Variants in PXDN observed in about 807,000 individuals in gnomAD.
The protein encoded by PXDN is peroxidasin.
In PXDN, 77 loss-of-function variants were observed where a neutral mutation model predicts 140.3. The observed-to-expected ratio is 0.55, with a 90% CI of 0.46 to 0.66. The LOEUF is 0.66. Among genes scored for constraint, PXDN ranks in the 30% least tolerant of loss-of-function variants. The pLI, the probability that PXDN is intolerant of heterozygous loss-of-function variation, is 0.00. For synonymous variants in PXDN, 911 were observed against 857.4 expected (o/e 1.06, Z -1.09); for missense variants, 1,838 against 2,039.5 (o/e 0.90, Z 1.90).
intron 2 of PXDN, chr2:1,692,655 A>C (rs1213151654): frequency 2.1e-6 from 1 of 469,306 alleles, no homozygotes; most frequent in Non-Finnish European, 4.4e-6. Context: ...GCATCATGGG[A>C]CTGCCTTGAA....
Position 1,716,592 on chromosome 2 carries a change from G to A in PXDN, c.201-23458C>T, listed in dbSNP as rs76372811. Among the ~76,000 whole-genome samples the A allele has an allele frequency of 8.0e-3, 1,224 of 152,248 alleles. 17 individuals are homozygous for A. Among genetic ancestry groups the A allele is most frequent in the African/African-American group, 0.028 (1,148 of 41,544 alleles). ...GGAGGTGGCGGGCAGGCTGGGCACA[G>A]GGACACCCTCTACCTGGGGCAAGGG... On this transcript the variant is annotated intron_variant, in intron 1 of 22. Transcript: ENST00000252804.
At position 1,634,587 on chromosome 2, in the gene PXDN, C is replaced by A. The variant is rs538479000; in HGVS notation, c.4321-264G>T. 2.0e-5 allele frequency among the ~76,000 whole-genome samples: 3 copies of A among 152,306 alleles called. No homozygotes were observed. The South Asian group carries it at 6.2e-4, about 32-fold the overall frequency. The stretch of plus-strand genomic sequence containing the variant: ...CGTCCCACCCTTCCGTCCATGCCCA[C>A]GGTCCTCTCACCCTGAGGGGCCAAG... On this transcript the variant is annotated intron_variant, in intron 22 of 22. Transcript: ENST00000252804.
At chr2:1,691,644 C>G (rs1046831821) in intron 3 of PXDN, among the ~76,000 whole-genome samples, 1 of 152,166 alleles carries the variant, frequency 6.6e-6, no homozygotes, top group East Asian at 1.9e-4. Context: ...GAAGCATCAC[C>G]ATCATTTCCA....
rs779462223 is a variant in PXDN, at chr2:1,663,743, G to A, written c.1429C>T (p.Arg477Trp). ...TKGGSQLSVD[R>W]RHLVLSSGTL... ...CCCGATGACAGGACCAGGTGCCGCC[G>A]GTCCACGGAGAGCTGGCTCCCTGCA... Residue 477 changes from arginine to tryptophan, a missense_variant, in exon 12 of 23, where the codon CGG (arginine) becomes TGG (tryptophan). By Grantham distance (101) the Arg-to-Trp change is moderately radical. Transcript: ENST00000252804. 8.1e-6 allele frequency: 13 copies of A among 1,612,964 alleles called. No individual in the cohort carries two copies. The highest frequency in any genetic ancestry group is 1.7e-5 in the Admixed American group (1 of 60,006).
In PXDN at chr2:1,648,870, G is replaced by A. The variant is rs2125411179; in HGVS notation, c.2910C>T (p.Cys970=). The A allele has an allele frequency of 2.5e-6, 4 of 1,602,142 alleles. No homozygotes were observed. The East Asian group carries it at 6.7e-5, about 27-fold the overall frequency. Residue 970 remains cysteine, a synonymous_variant, in exon 17 of 23, where the codon TGC becomes TGT. Transcript: ENST00000252804. The surrounding 1 kb of genome is among the most constrained non-coding windows in gnomAD (Gnocchi z 8.9). The part of the protein sequence containing the change: ...MRDENESPIP[C]FLAGDHRANE... Reference sequence around the variant, plus strand: ...TGGCGCGGTGGTCCCCGGCCAGGAAGCAGGGGATGGGGCTCTCGTTCTCGT... The same window carrying A: ...TGGCGCGGTGGTCCCCGGCCAGGAAACAGGGGATGGGGCTCTCGTTCTCGT...
At chr2:1,666,047 C>T (rs919522237) in intron 10 of PXDN, among the ~76,000 whole-genome samples, 167 bp downstream of exon 10, 1 of 152,212 alleles carries the variant, frequency 6.6e-6, no homozygotes, top group African/African-American at 2.4e-5. Flanking sequence ...CTACAAACTG[C>T]AGTCGTCTGT....
At chr2:1,710,603 ACT>A (rs386354781) in intron 1 of PXDN, among the ~76,000 whole-genome samples, 12 of 86,156 alleles carry the variant, frequency 1.4e-4, no homozygotes, top group African/African-American at 1.3e-4. Context: ...ACCAGCACCC[ACT>A]CTCCACCAGC....
intron 1 of PXDN, among the ~76,000 whole-genome samples, chr2:1,707,960 C>T (rs1042880655): frequency 6.6e-6 from 1 of 152,242 alleles, no homozygotes; most frequent in Admixed American, 6.5e-5. Context: ...AGCGAGAGAA[C>T]GGAAACCAAA....
chr2:1,743,679 G>A, intron 1 of PXDN, among the ~76,000 whole-genome samples: 1 of 34,938 alleles, frequency 2.9e-5, no homozygotes, highest in Non-Finnish European at 6.2e-5. Flanking sequence ...AGGAGGAGGA[G>A]GAAGGGGAGG....
rs1375755829 is a variant in PXDN at position 1,638,978 on chromosome 2, A to G, written c.4074T>C (p.Ser1358=). 6.2e-7 allele frequency: 1 copy of G among 1,613,770 alleles called. No individual in the cohort carries two copies. Among genetic ancestry groups the G allele is most frequent in the Admixed American group, 1.7e-5 (1 of 60,000 alleles). ...TGAGATGTTCCCCCTGTCTCCCAACACTGTGGTGAGGGGAAAGGAGGAGGA... is the reference window on the plus strand; with the variant it reads ...TGAGATGTTCCCCCTGTCTCCCAACGCTGTGGTGAGGGGAAAGGAGGAGGA... The part of the protein sequence containing the change: ...TKKTRPRKIP[S]VGRQGEHLSN... Residue 1358 remains serine, a splice_region_variant and synonymous_variant, in exon 21 of 23, where the codon AGT becomes AGC. Transcript: ENST00000252804.
intron 14 of PXDN, among the ~76,000 whole-genome samples, chr2:1,655,529 C>CCA (rs946774232): frequency 6.6e-6 from 1 of 151,682 alleles, no homozygotes; most frequent in African/African-American, 2.4e-5. Flanking sequence ...CACACAGACA[C>CCA]CACACACACA....
At chr2:1,724,370 C>A (rs1685127552) in intron 1 of PXDN, among the ~76,000 whole-genome samples, 1 of 141,258 alleles carries the variant, frequency 7.1e-6, no homozygotes, top group Admixed American at 7.4e-5. Flanking sequence ...CAGAAAATAT[C>A]CTTTTTATAG....
At chr2:1,656,231 C>T (rs1289316170) in intron 14 of PXDN, among the ~76,000 whole-genome samples, 1 of 152,166 alleles carries the variant, frequency 6.6e-6, no homozygotes, top group African/African-American at 2.4e-5. Context: ...CTAGTTCCCT[C>T]TTGTCATTCT....
At chr2:1,694,326 A>G (rs1330595884) in intron 1 of PXDN, among the ~76,000 whole-genome samples, 1 of 152,212 alleles carries the variant, frequency 6.6e-6, no homozygotes, top group African/African-American at 2.4e-5. Context: ...TGCCAATGTA[A>G]TCACTGTCAG....
chr2:1,730,870 A>G (rs1685296623), intron 1 of PXDN, among the ~76,000 whole-genome samples: 1 of 152,076 alleles, frequency 6.6e-6, no homozygotes, highest in Non-Finnish European at 1.5e-5. Context: ...CCTTAGCGCA[A>G]TAATCACACT....
intron 16 of PXDN, among the ~76,000 whole-genome samples, chr2:1,650,697 A>T (rs538203629): frequency 2.0e-5 from 3 of 152,236 alleles, no homozygotes; most frequent in Non-Finnish European, 4.4e-5. Context: ...ACACACGCAC[A>T]CACACATGCA....
intron 1 of PXDN, among the ~76,000 whole-genome samples, chr2:1,715,451 A>G (rs1484001266): frequency 6.6e-6 from 1 of 152,172 alleles, no homozygotes; most frequent in Non-Finnish European, 1.5e-5. Flanking sequence ...GAGAAGGGGG[A>G]ACTCAACTCA....
At chr2:1,708,926 G>A (rs538834661) in intron 1 of PXDN, among the ~76,000 whole-genome samples, 1 of 152,160 alleles carries the variant, frequency 6.6e-6, no homozygotes, top group South Asian at 2.1e-4. Flanking sequence ...GATGCAGAAT[G>A]CTGGCTCCAA....
intron 1 of PXDN, among the ~76,000 whole-genome samples, chr2:1,704,796 G>C (rs1055315307): frequency 3.3e-5 from 5 of 152,188 alleles, no homozygotes; most frequent in African/African-American, 1.2e-4. Context: ...GGTGAGCAGA[G>C]GGTGGCTTTG....
Sources: gnomAD v4.1 joint callset for allele counts (sites outside exome capture counted in the v4.1 genomes callset) on GRCh38, gnomAD v4.1.1 for gene constraint, Gnocchi (gnomAD v3.1) non-coding constraint, MANE v1.5 for transcripts, NCBI Gene and HGNC (gene_info 2026-07-23, HGNC 2026-07-21) for gene names.